EDIL3: variants seen among roughly 807,000 people sequenced by gnomAD.
EDIL3 encodes the protein EGF-like repeat and discoidin I-like domain-containing protein 3.
In EDIL3, 37 loss-of-function variants were observed where a neutral mutation model predicts 67.4. That is an observed-to-expected ratio of 0.55 (90% CI 0.42 to 0.72). The LOEUF (loss-of-function observed/expected upper bound fraction) is 0.72, where lower values mean the gene tolerates loss of function less well. Ranked by LOEUF, EDIL3 falls within the 30% of genes least tolerant of loss-of-function variation. The probability of loss-of-function intolerance (pLI) is 0.00; values close to 1 mark genes in which losing one functional copy is unlikely to be tolerated. For synonymous variants in EDIL3, 195 were observed against 196.3 expected (o/e 0.99, Z 0.05); for missense variants, 527 against 586.3 (o/e 0.90, Z 1.04).
In EDIL3 at chr5:83,963,290, T is replaced by A; in HGVS notation, c.1208A>T (p.Gln403Leu). ...TQGAKDFGHV[Q>L]FVGSYKLAYS... ...AGCCAGTTTGTAGGAGCCAACAAACTGTACATGACCAAAATCTTTAGCTCC... is the reference window on the plus strand; with the variant it reads ...AGCCAGTTTGTAGGAGCCAACAAACAGTACATGACCAAAATCTTTAGCTCC... The change falls in exon 10 of 11, where the codon CAG becomes CTG. Residue 403 changes from glutamine (Q) to leucine (L), a missense_variant. Gln to Leu is a moderately radical substitution (Grantham distance 113). Transcript: ENST00000296591. The A allele has an allele frequency of 6.2e-7, 1 of 1,610,482 alleles. No individual in the cohort carries two copies. Among genetic ancestry groups the A allele is most frequent in the South Asian group, 1.1e-5 (1 of 90,894 alleles).
intron 1 of EDIL3, among the ~76,000 whole-genome samples, chr5:84,352,727 A>T (rs1747385447): frequency 6.6e-6 from 1 of 152,170 alleles, no homozygotes; most frequent in African/African-American, 2.4e-5. Context: ...CTAAAAGCCC[A>T]GATTTCACCA....
At chr5:83,949,418 T>G (rs1021508838) in intron 10 of EDIL3, among the ~76,000 whole-genome samples, 2 of 151,820 alleles carry the variant, frequency 1.3e-5, no homozygotes, top group Non-Finnish European at 2.9e-5. Flanking sequence ...TTTGTGAAAA[T>G]ATAATGTGTG....
At chr5:84,188,666 T>G (rs1220622011) in intron 3 of EDIL3, among the ~76,000 whole-genome samples, 1 of 151,850 alleles carries the variant, frequency 6.6e-6, no homozygotes, top group Admixed American at 6.6e-5. Context: ...TTAAATGAGG[T>G]CATATAAGTG....
At chr5:84,141,934 T>TAC (rs1748201829) in intron 4 of EDIL3, among the ~76,000 whole-genome samples, 5 of 127,580 alleles carry the variant, frequency 3.9e-5, no homozygotes, top group Non-Finnish European at 4.9e-5. Flanking sequence ...CACATATATA[T>TAC]ATATATATAT....
chr5:84,179,777 G>A (rs1484424472), intron 4 of EDIL3, among the ~76,000 whole-genome samples: 1 of 152,048 alleles, frequency 6.6e-6, no homozygotes, highest in Non-Finnish European at 1.5e-5. Flanking sequence ...CACCTACAGT[G>A]CTAAGGCACC....
At chr5:84,357,653 C>A (rs1747516579) in intron 1 of EDIL3, among the ~76,000 whole-genome samples, 1 of 152,076 alleles carries the variant, frequency 6.6e-6, no homozygotes, top group Non-Finnish European at 1.5e-5. Flanking sequence ...CGTGGGAAGG[C>A]TGAGGCAGGT....
At chr5:84,061,813 A>G (rs1746544987) in intron 8 of EDIL3, among the ~76,000 whole-genome samples, 2 of 152,162 alleles carry the variant, frequency 1.3e-5, no homozygotes, top group Admixed American at 1.3e-4. Context: ...TAAGTCCCCA[A>G]ATATCAGCAT....
intron 4 of EDIL3, among the ~76,000 whole-genome samples, chr5:84,143,264 C>T (rs1341143666): frequency 6.6e-6 from 1 of 152,026 alleles, no homozygotes; most frequent in Non-Finnish European, 1.5e-5. Context: ...TGTTCTTGAA[C>T]TCCCTTTTGA....
chr5:84,108,093 C>G (rs561302126), intron 5 of EDIL3, among the ~76,000 whole-genome samples: 1 of 151,498 alleles, frequency 6.6e-6, no homozygotes, highest in Non-Finnish European at 1.5e-5. Flanking sequence ...ATTTTAATTA[C>G]TGTCAAAATC....
chr5:84,267,357 G>C (rs189395139), intron 1 of EDIL3, among the ~76,000 whole-genome samples: 418 of 152,270 alleles, frequency 2.7e-3, no homozygotes, highest in Non-Finnish European at 4.1e-3. Flanking sequence ...GTTTCAGTTT[G>C]CAGTTATTAA....
In EDIL3 at chr5:84,367,437, A is replaced by G. The variant is rs1015785163; in HGVS notation, c.67+16871T>C. Among the ~76,000 whole-genome samples, 20 of 152,234 alleles carry G rather than the reference A, an allele frequency of 1.3e-4. No individual in the cohort carries two copies. The East Asian group carries it at 2.1e-3, about 16-fold the overall frequency. On this transcript the variant is annotated intron_variant, in intron 1 of 10. Transcript: ENST00000296591. ...TGAGAAAACATATTTGCAATACCTC[A>G]CTTCCTTAATATTTTTGAGCAATGA...
intron 5 of EDIL3, among the ~76,000 whole-genome samples, chr5:84,112,156 G>A (rs1310112899): frequency 6.6e-6 from 1 of 152,064 alleles, no homozygotes; most frequent in African/African-American, 2.4e-5. Context: ...TGTTAGTGAT[G>A]GGGAGTTTTT....
chr5:83,981,411 G>A (rs775236472), intron 9 of EDIL3, among the ~76,000 whole-genome samples: 5 of 151,944 alleles, frequency 3.3e-5, no homozygotes, highest in Non-Finnish European at 7.4e-5. Flanking sequence ...ATCATTCTCT[G>A]TGTATGATTA....
At position 84,233,107 on chromosome 5, in the gene EDIL3, A is replaced by G. The variant is rs1490002209; in HGVS notation, c.197-3223T>C. ...AAGAAAACCAAAAATAAGCAACCCA[A>G]CAAATAAGTGTATTGCTCCACTTGG... On this transcript the variant is annotated intron_variant, in intron 2 of 10. Transcript: ENST00000296591. Among the ~76,000 whole-genome samples the G allele has an allele frequency of 3.3e-5, 5 of 152,190 alleles. No homozygotes were observed. In the East Asian group the frequency reaches 7.7e-4, roughly 23 times the overall value.
chr5:84,276,890 G>T (rs1010475774), intron 1 of EDIL3, among the ~76,000 whole-genome samples: 6 of 151,946 alleles, frequency 3.9e-5, no homozygotes, highest in African/African-American at 1.4e-4. Flanking sequence ...CTTACTTTTT[G>T]ACTTTATGTT....
chr5:84,102,112 T>G (rs1211513224), intron 6 of EDIL3, among the ~76,000 whole-genome samples: 1 of 151,994 alleles, frequency 6.6e-6, no homozygotes, highest in African/African-American at 2.4e-5. Flanking sequence ...TCCAATAAAA[T>G]TTAACACCTC....
At position 83,943,134 on chromosome 5, in the gene EDIL3, T is replaced by G. The variant is rs994443090; in HGVS notation, c.*285A>C. ...AGAAGGCTACTTTCTTTCCCTAATA[T>G]ATTTCTACCAATGCGAATAATTCAG... On this transcript the variant is annotated 3_prime_UTR_variant, in exon 11 of 11. Coordinates refer to ENST00000296591, the MANE Select transcript of EDIL3 (RefSeq NM_005711.5). 3.0e-6 allele frequency: 1 copy of G among 333,172 alleles called. No homozygotes were observed. Among genetic ancestry groups the G allele is most frequent in the Non-Finnish European group, 5.6e-6 (1 of 179,680 alleles). 20.6% of individuals were successfully genotyped at this position (333,172 alleles called of 1,614,324 possible).
chr5:84,171,526 G>A (rs552378562), intron 4 of EDIL3, among the ~76,000 whole-genome samples: 1 of 152,246 alleles, frequency 6.6e-6, no homozygotes, highest in South Asian at 2.1e-4. Context: ...GATTTTAAGA[G>A]CAGTAAGCTA....
At chr5:84,346,072 A>ATTCATTTAT (rs1487686165) in intron 1 of EDIL3, among the ~76,000 whole-genome samples, 1 of 150,442 alleles carries the variant, frequency 6.6e-6, no homozygotes, top group Non-Finnish European at 1.5e-5. Context: ...CATTCATTTC[A>ATTCATTTAT]TTCATTTATT....
Sources: gnomAD v4.1 joint callset for allele counts (sites outside exome capture counted in the v4.1 genomes callset) on GRCh38, gnomAD v4.1.1 for gene constraint, MANE v1.5 for transcripts, NCBI Gene and HGNC (gene_info 2026-07-23, HGNC 2026-07-21) for gene names.